RNGTT: variants seen among roughly 807,000 people sequenced by gnomAD.
The protein encoded by RNGTT is RNA guanylyltransferase and 5'-phosphatase, also known as mRNA-capping enzyme.
In RNGTT, 33 loss-of-function variants were observed where a neutral mutation model predicts 79.3. The observed-to-expected ratio is 0.42, with a 90% CI of 0.32 to 0.56. The LOEUF (loss-of-function observed/expected upper bound fraction) is 0.56, where lower values mean the gene tolerates loss of function less well. Ranked by LOEUF, RNGTT falls within the 20% of genes least tolerant of loss-of-function variation. The pLI, the probability that RNGTT is intolerant of heterozygous loss-of-function variation, is 0.17. For synonymous variants in RNGTT, 222 were observed against 235.9 expected, an observed-to-expected ratio of 0.94 and a Z score of 0.54; for missense variants, 497 against 739.1, an observed-to-expected ratio of 0.67 and a Z score of 3.80.
intron 11 of RNGTT, among the ~76,000 whole-genome samples, chr6:88,806,461 C>T (rs373640550): frequency 1.1e-3 from 166 of 151,570 alleles, no homozygotes; most frequent in African/African-American, 3.8e-3. Context: ...AGATTACAGG[C>T]GCGCACCACC....
rs1491147522 is a variant in RNGTT at position 88,672,203 on chromosome 6, A to ATC, written c.1506+6149_1506+6150insGA. On this transcript the variant is annotated intron_variant, in intron 14 of 15. Transcript: ENST00000369485. Reference sequence around the variant, plus strand: ...ACAGAGTAGGAGAAAATGTATATACATATATATATATATATACACACACAC... The same window carrying ATC: ...ACAGAGTAGGAGAAAATGTATATACATCTATATATATATATATACACACACAC... Among the ~76,000 whole-genome samples the ATC allele has an allele frequency of 4.3e-5, 3 of 69,370 alleles. No homozygotes were observed. The African/African-American group carries it at 4.8e-4, about 11-fold the overall frequency. 45.5% of individuals were successfully genotyped at this position (69,370 alleles called of 152,430 possible).
intron 4 of RNGTT, among the ~76,000 whole-genome samples, chr6:88,919,420 G>A (rs1784094702): frequency 6.6e-6 from 1 of 152,204 alleles, no homozygotes; most frequent in South Asian, 2.1e-4. Context: ...AGCTATACAT[G>A]TTGGGGCAGT....
At chr6:88,880,535 T>C (rs1782663988) in intron 8 of RNGTT, among the ~76,000 whole-genome samples, 1 of 152,144 alleles carries the variant, frequency 6.6e-6, no homozygotes, top group South Asian at 2.1e-4. Flanking sequence ...CAGATATAGA[T>C]ACATATGTAA....
At chr6:88,769,314 A>T (rs6454722) in intron 13 of RNGTT, among the ~76,000 whole-genome samples, 1 of 138,340 alleles carries the variant, frequency 7.2e-6, no homozygotes, top group Admixed American at 7.6e-5. Flanking sequence ...GTATGTGCCA[A>T]CAAGCCCAAC....
intron 1 of RNGTT, among the ~76,000 whole-genome samples, chr6:88,949,159 G>GAAAAAAAAAAAAAAAAAAAAAAAAAAAT: frequency 2.0e-5 from 1 of 50,516 alleles, no homozygotes; most frequent in Admixed American, 2.1e-4. Context: ...AAAATAAAAT[G>GAAAAAAAAAAAAAAAAAAAAAAAAAAAT]AAAAAAAAAA....
intron 8 of RNGTT, among the ~76,000 whole-genome samples, chr6:88,860,960 A>G (rs1458076274): frequency 6.6e-6 from 1 of 152,102 alleles, no homozygotes; most frequent in East Asian, 1.9e-4. Flanking sequence ...CTTAATACCA[A>G]GGGTTACATA....
chr6:88,640,797 G>A (rs573948473), intron 14 of RNGTT, among the ~76,000 whole-genome samples: 73 of 152,248 alleles, frequency 4.8e-4, no homozygotes, highest in African/African-American at 1.7e-3. Context: ...TGTATTACAT[G>A]TATATTCAGG....
intron 11 of RNGTT, among the ~76,000 whole-genome samples, chr6:88,826,194 T>A (rs968715302): frequency 6.6e-5 from 10 of 152,162 alleles, no homozygotes; most frequent in South Asian, 2.1e-4. Flanking sequence ...ACCGATAGCA[T>A]CTTATTTGGT....
chr6:88,937,829 T>C (rs1156783835), intron 2 of RNGTT, among the ~76,000 whole-genome samples: 1 of 152,240 alleles, frequency 6.6e-6, no homozygotes, highest in African/African-American at 2.4e-5. Context: ...TTAATTTCCA[T>C]GTATTTGTAC....
chr6:88,767,247 T>C (rs2127840400), intron 13 of RNGTT, among the ~76,000 whole-genome samples: 1 of 152,194 alleles, frequency 6.6e-6, no homozygotes, highest in Admixed American at 6.5e-5. Flanking sequence ...AAAGATGCAC[T>C]AGACTCAAAA....
chr6:88,778,740 G>C (rs1054258875), intron 12 of RNGTT, among the ~76,000 whole-genome samples: 2 of 152,112 alleles, frequency 1.3e-5, no homozygotes, highest in African/African-American at 4.8e-5. Flanking sequence ...ATACAATGAC[G>C]ATTCAATATA....
chr6:88,872,257 G>A (rs1405804194), intron 8 of RNGTT, among the ~76,000 whole-genome samples: 1 of 152,068 alleles, frequency 6.6e-6, no homozygotes, highest in Non-Finnish European at 1.5e-5. Context: ...CCTCCCCACT[G>A]GTAAGAAATG....
In RNGTT at chr6:88,892,253, T is replaced by C. The variant is rs576044312; in HGVS notation, c.685-338A>G. Among the ~76,000 whole-genome samples the C allele has an allele frequency of 1.2e-4, 19 of 152,036 alleles. No homozygotes were observed. In the South Asian group the frequency reaches 3.9e-3, roughly 32 times the overall value. On this transcript the variant is annotated intron_variant, in intron 6 of 15. Coordinates refer to ENST00000369485, the MANE Select transcript of RNGTT (RefSeq NM_003800.5). The stretch of plus-strand genomic sequence containing the variant: ...TCTAATCCTTACAACACTGAAAAAA[T>C]AGACTGTACTGTATTTATTTCAAAG...
intron 14 of RNGTT, among the ~76,000 whole-genome samples, chr6:88,677,550 T>C (rs1482504452): frequency 1.3e-5 from 2 of 152,128 alleles, no homozygotes; most frequent in African/African-American, 2.4e-5. Context: ...CACTGCAACC[T>C]TGACCTCCCA....
intron 8 of RNGTT, among the ~76,000 whole-genome samples, chr6:88,879,304 G>C (rs971125752): frequency 6.6e-6 from 1 of 152,192 alleles, no homozygotes; most frequent in Non-Finnish European, 1.5e-5. Flanking sequence ...TGAGGCAGGA[G>C]AATCACTTGA....
intron 12 of RNGTT, among the ~76,000 whole-genome samples, chr6:88,797,941 C>CAAAA (rs143559265): frequency 2.0e-4 from 13 of 65,806 alleles, no homozygotes; most frequent in East Asian, 9.2e-4. Flanking sequence ...AAGCAAAAGC[C>CAAAA]AAAAAAAAAA....
chr6:88,656,257 A>G (rs893280139), intron 14 of RNGTT, among the ~76,000 whole-genome samples: 2 of 152,166 alleles, frequency 1.3e-5, no homozygotes, highest in African/African-American at 4.8e-5. Context: ...ATCTCAATAA[A>G]GTCAAAGGAG....
At position 88,860,248 on chromosome 6, in the gene RNGTT, A is replaced by T. The variant is rs529662401; in HGVS notation, c.897-6484T>A. Among the ~76,000 whole-genome samples the T allele has an allele frequency of 1.3e-4, 20 of 152,318 alleles. No individual in the cohort carries two copies. The South Asian group carries it at 4.1e-3, about 32-fold the overall frequency. ...TGACTGAGAAAATGAGAGAAGTTCC[A>T]AGTTCTGGCTTCAGGAACTGGGCAT... On this transcript the variant is annotated intron_variant, in intron 8 of 15. Transcript: ENST00000369485.
At chr6:88,789,634 A>G (rs73754828) in intron 12 of RNGTT, among the ~76,000 whole-genome samples, 3,182 of 152,282 alleles carry the variant, frequency 0.021, 95 homozygotes, top group African/African-American at 0.072. Context: ...TTCAACCTCA[A>G]TTCACTCATT....
Sources: allele counts gnomAD v4.1 joint callset (sites outside exome capture counted in the v4.1 genomes callset), GRCh38; gene constraint gnomAD v4.1.1; transcripts MANE v1.5; gene names NCBI Gene and HGNC (gene_info 2026-07-23, HGNC 2026-07-21).